Variants in MATN2 observed in about 807,000 individuals in gnomAD.
MATN2 encodes the protein matrilin-2.
Under a neutral mutation model 103.2 loss-of-function variants are expected in MATN2, and 69 were observed. The ratio of observed to expected loss-of-function variants is 0.67; its 90% CI spans 0.55 to 0.82. The LOEUF is 0.82. MATN2 is among the 40% of genes least tolerant of loss of function. The pLI is 0.00. For synonymous variants in MATN2, 429 were observed against 450.2 expected, an observed-to-expected ratio of 0.95 and a Z score of 0.60; for missense variants, 1,023 against 1,211.5, an observed-to-expected ratio of 0.84 and a Z score of 2.31.
At chr8:97,909,684 A>T (rs1819297414) in intron 2 of MATN2, among the ~76,000 whole-genome samples, 1 of 152,138 alleles carries the variant, frequency 6.6e-6, no homozygotes, top group African/African-American at 2.4e-5. Context: ...AGGAGATGAG[A>T]TCAGAGAAGT....
intron 7 of MATN2, among the ~76,000 whole-genome samples, chr8:97,999,544 TA>T (rs1232377084): frequency 1.3e-5 from 2 of 152,234 alleles, no homozygotes; most frequent in African/African-American, 4.8e-5. Context: ...TTGCCAGGCC[TA>T]TTTTCCTCCA....
At position 97,975,825 on chromosome 8, in the gene MATN2, G is replaced by A. The variant is rs186120310; in HGVS notation, c.959-3061G>A. Among the ~76,000 whole-genome samples the A allele has an allele frequency of 2.1e-3, 324 of 152,328 alleles. 3 individuals are homozygous for A. Among genetic ancestry groups the A allele is most frequent in the African/African-American group, 6.4e-3 (266 of 41,568 alleles). On this transcript the variant is annotated intron_variant, in intron 5 of 18. Transcript: ENST00000254898. Reference sequence around the variant, plus strand: ...GCCAACTCCTGTGACAAACAGACTGGACCGTGTGCCAGGGTTTAGCCTTCC... The same window carrying A: ...GCCAACTCCTGTGACAAACAGACTGAACCGTGTGCCAGGGTTTAGCCTTCC...
intron 2 of MATN2, among the ~76,000 whole-genome samples, chr8:97,891,452 C>T (rs1256356373): frequency 6.6e-6 from 1 of 152,156 alleles, no homozygotes; most frequent in Non-Finnish European, 1.5e-5. Context: ...ATCCTCCAAC[C>T]TCAGCATCTC....
chr8:97,879,998 C>T (rs998789008), intron 1 of MATN2, among the ~76,000 whole-genome samples: 1 of 152,010 alleles, frequency 6.6e-6, no homozygotes, highest in Non-Finnish European at 1.5e-5. Context: ...AGTTGGTGTG[C>T]ATACCTGGTA....
intron 2 of MATN2, among the ~76,000 whole-genome samples, chr8:97,902,615 G>T (rs1480944611): frequency 2.6e-5 from 4 of 152,182 alleles, no homozygotes. Context: ...TGAGACCTGG[G>T]GGATGGGTGT....
At chr8:98,002,290 G>T (rs2130376071) in intron 7 of MATN2, among the ~76,000 whole-genome samples, 1 of 152,314 alleles carries the variant, frequency 6.6e-6, no homozygotes, top group Middle Eastern at 3.4e-3. Flanking sequence ...GTAGCCTGGG[G>T]CAGCATCAGA....
At chr8:97,900,562 A>G (rs1200027380) in intron 2 of MATN2, among the ~76,000 whole-genome samples, 1 of 152,158 alleles carries the variant, frequency 6.6e-6, no homozygotes, top group Non-Finnish European at 1.5e-5. Context: ...GCTGCTTTCC[A>G]TCTCCGGCTC....
chr8:97,898,194 T>C (rs1818874953), intron 2 of MATN2, among the ~76,000 whole-genome samples: 1 of 152,188 alleles, frequency 6.6e-6, no homozygotes, highest in Non-Finnish European at 1.5e-5. Context: ...CAGTCACCTT[T>C]CTTTTCTTTG....
chr8:97,907,070 G>C (rs570901178), intron 2 of MATN2, among the ~76,000 whole-genome samples: 1 of 145,700 alleles, frequency 6.9e-6, no homozygotes, highest in African/African-American at 2.6e-5. Flanking sequence ...GTGCAATCTC[G>C]GCTCACTGCA....
intron 5 of MATN2, among the ~76,000 whole-genome samples, chr8:97,978,391 T>C (rs1388163539): frequency 6.6e-6 from 1 of 152,244 alleles, no homozygotes; most frequent in Non-Finnish European, 1.5e-5. Flanking sequence ...TTTTTGTTGT[T>C]GTTGTAAACA....
chr8:97,991,949 C>T (rs1263710084), intron 6 of MATN2, among the ~76,000 whole-genome samples: 1 of 152,042 alleles, frequency 6.6e-6, no homozygotes, highest in African/African-American at 2.4e-5. Context: ...GGAGACTAAG[C>T]AGATATGAAA....
chr8:97,887,401 G>A (rs1250117228), intron 1 of MATN2, among the ~76,000 whole-genome samples: 1 of 152,040 alleles, frequency 6.6e-6, no homozygotes, highest in Non-Finnish European at 1.5e-5. Flanking sequence ...GTGTGACCTT[G>A]GGCAGGCCAC....
chr8:97,967,301 C>T (rs1292283593), intron 5 of MATN2, among the ~76,000 whole-genome samples: 1 of 152,146 alleles, frequency 6.6e-6, no homozygotes, highest in Non-Finnish European at 1.5e-5. Flanking sequence ...GTCCTTCTCA[C>T]ATTTCAAAAT....
intron 15 of MATN2, among the ~76,000 whole-genome samples, chr8:98,031,135 A>G (rs2513811): frequency 0.47 from 70,642 of 151,892 alleles, 17,787 homozygotes; most frequent in African/African-American, 0.66. Flanking sequence ...CCAGGAGTTC[A>G]AGACCAGTTT....
intron 1 of MATN2, among the ~76,000 whole-genome samples, chr8:97,879,014 A>T (rs1431851230): frequency 6.6e-6 from 1 of 152,224 alleles, no homozygotes; most frequent in African/African-American, 2.4e-5. Flanking sequence ...TTAATGAAAG[A>T]TCAATAAATA....
intron 4 of MATN2, among the ~76,000 whole-genome samples, chr8:97,955,450 TC>T (rs1811114296): frequency 6.6e-6 from 1 of 152,176 alleles, no homozygotes. Flanking sequence ...AAGTTTCTGT[TC>T]CCATCTTCGA....
In MATN2 at chr8:97,961,418, G is replaced by T; in HGVS notation, c.846G>T (p.Leu282=). ...GTGACTTTGCCTCAGTCCAGGATCT[G>T]TGTGCCATGGAGGACCACAACTGTG... ...SDQTTCRIQD[L]CAMEDHNCEQ... The change falls in exon 5 of 19, where the codon CTG becomes CTT. Residue 282 remains leucine, a synonymous_variant. Transcript: ENST00000254898. 6.2e-7 allele frequency: 1 copy of T among 1,612,948 alleles called. No homozygotes were observed. The highest frequency in any genetic ancestry group is 8.5e-7 in the Non-Finnish European group (1 of 1,179,418).
intron 2 of MATN2, among the ~76,000 whole-genome samples, chr8:97,914,809 C>T (rs998816955): frequency 3.3e-5 from 5 of 152,160 alleles, no homozygotes; most frequent in African/African-American, 9.7e-5. Flanking sequence ...CTTTTGCATA[C>T]GCTGCCCTTT....
In MATN2 at chr8:97,999,855, C is replaced by T. The variant is rs998218876; in HGVS notation, c.1205-3806C>T. Among the ~76,000 whole-genome samples, 29 of 128,922 alleles carry T rather than the reference C, an allele frequency of 2.2e-4. 1 individual carries two copies. Among genetic ancestry groups the T allele is most frequent in the Non-Finnish European group, 4.5e-4 (27 of 60,576 alleles). The allele number at this position is 128,922 out of a possible 152,430, so 84.6% of individuals were successfully genotyped here. A position where few individuals can be genotyped will look rare whatever the true frequency, so the allele number is the denominator to read the frequency against. ...ACCAGTCACCTGGGAGGGCACGTCA[C>T]GGATTCTTTTTTTTTTTTTTTTTTT... On this transcript the variant is annotated intron_variant, in intron 7 of 18. Transcript: ENST00000254898.
Sources: allele counts gnomAD v4.1 joint callset (sites outside exome capture counted in the v4.1 genomes callset), GRCh38; gene constraint gnomAD v4.1.1; transcripts MANE v1.5; gene names NCBI Gene and HGNC (gene_info 2026-07-23, HGNC 2026-07-21).